The following CNNM2 variants were observed in gnomAD, a reference collection of about 807,000 sequenced individuals.
The protein encoded by CNNM2 is cyclin and CBS domain divalent metal cation transport mediator 2, also known as metal transporter CNNM2.
A neutral mutation model predicts 66.9 loss-of-function variants in CNNM2; 12 were observed. The ratio of observed to expected loss-of-function variants is 0.18; its 90% CI spans 0.11 to 0.29. The LOEUF (loss-of-function observed/expected upper bound fraction) is 0.29. Among genes scored for constraint, CNNM2 ranks in the 10% least tolerant of loss-of-function variants. The pLI, the probability that CNNM2 is intolerant of heterozygous loss-of-function variation, is 1.00. For synonymous variants in CNNM2, 557 were observed against 501.8 expected, an observed-to-expected ratio of 1.11 and a Z score of -1.47; for missense variants, 705 against 1,167.7, an observed-to-expected ratio of 0.60 and a Z score of 5.77.
chr10:102,996,084 A>C (rs2063996490), intron 1 of CNNM2, among the ~76,000 whole-genome samples: 1 of 152,030 alleles, frequency 6.6e-6, no homozygotes, highest in Non-Finnish European at 1.5e-5. Context: ...TTATCCTACT[A>C]TCCTTTTATT....
intron 1 of CNNM2, among the ~76,000 whole-genome samples, chr10:103,034,820 G>C (rs1482761079): frequency 9.2e-5 from 14 of 151,762 alleles, no homozygotes; most frequent in Non-Finnish European, 2.9e-5. Flanking sequence ...CAAAAAATTA[G>C]CCGGGCGCGG....
intron 1 of CNNM2, among the ~76,000 whole-genome samples, chr10:103,029,941 A>G (rs907161771): frequency 3.3e-5 from 5 of 152,162 alleles, no homozygotes; most frequent in African/African-American, 9.7e-5. Flanking sequence ...AATGGAGCCA[A>G]TGAAGGCTTT....
At chr10:103,048,544 A>G (rs920632087) in intron 1 of CNNM2, among the ~76,000 whole-genome samples, 1 of 146,220 alleles carries the variant, frequency 6.8e-6, no homozygotes, top group African/African-American at 2.5e-5. Flanking sequence ...TGAAAGCTCA[A>G]ATTTTATCAT....
intron 1 of CNNM2, among the ~76,000 whole-genome samples, chr10:102,978,622 C>T (rs879760635): frequency 6.6e-6 from 1 of 152,142 alleles, no homozygotes; most frequent in African/African-American, 2.4e-5. Context: ...AGTCAGTGAT[C>T]TTTCAAACAA....
In CNNM2 at chr10:103,058,385, A is replaced by G. The variant is rs541703497; in HGVS notation, c.2073+1421A>G. Among the ~76,000 whole-genome samples, 6 of 152,344 alleles carry G rather than the reference A, an allele frequency of 3.9e-5. No individual in the cohort carries two copies. In the East Asian group the frequency reaches 1.2e-3, roughly 29 times the overall value. On this transcript the variant is annotated intron_variant, in intron 4 of 7. Transcript: ENST00000369878. ...CCTGGAGAAACTCTGGATACATCAA[A>G]GACTGTCACAGGAGGAATTGGAATA... is the stretch of plus-strand genomic sequence containing the variant.
chr10:102,951,252 A>G (rs1005235046), intron 1 of CNNM2, among the ~76,000 whole-genome samples: 22 of 151,912 alleles, frequency 1.4e-4, no homozygotes, highest in African/African-American at 5.3e-4. Context: ...GCTGGAGTGT[A>G]GTGGCGCAGT....
At position 103,001,011 on chromosome 10, in the gene CNNM2, GAAGA is replaced by G. The variant is rs559138633; in HGVS notation, c.1622-48693_1622-48690del. Among the ~76,000 whole-genome samples the G allele has an allele frequency of 1.8e-4, 28 of 152,318 alleles. No homozygotes were observed. The East Asian group carries it at 5.2e-3, about 28-fold the overall frequency. ...ATGGAATATGTTCTGTTTTAGGAAG[GAAGA>G]AATTCTGACATATGCTACAACATGG... is the stretch of plus-strand genomic sequence containing the variant. On this transcript the variant is annotated intron_variant, in intron 1 of 7. Coordinates refer to ENST00000369878, the MANE Select transcript of CNNM2 (RefSeq NM_017649.5).
Position 102,985,445 on chromosome 10 carries a change from C to T in CNNM2, c.1622-64262C>T, listed in dbSNP as rs568294731. On this transcript the variant is annotated intron_variant, in intron 1 of 7. Coordinates refer to ENST00000369878, the MANE Select transcript of CNNM2 (RefSeq NM_017649.5). ...GAACTCTGAAAGCTTCTTTACATACCAAGCTCCTCCTCATCAAAGCTAGAT... is the reference window on the plus strand; with the variant it reads ...GAACTCTGAAAGCTTCTTTACATACTAAGCTCCTCCTCATCAAAGCTAGAT... Among the ~76,000 whole-genome samples the T allele has an allele frequency of 4.6e-5, 7 of 152,202 alleles. No homozygotes were observed. The South Asian group carries it at 1.4e-3, about 32-fold the overall frequency.
chr10:103,067,168 G>A (rs1169577086), intron 4 of CNNM2, among the ~76,000 whole-genome samples: 1 of 149,856 alleles, frequency 6.7e-6, no homozygotes, highest in Non-Finnish European at 1.5e-5. Context: ...GCGTGATCAT[G>A]GCTCACTGCC....
At chr10:102,961,012 G>T (rs866140991) in intron 1 of CNNM2, among the ~76,000 whole-genome samples, 2 of 151,908 alleles carry the variant, frequency 1.3e-5, no homozygotes, top group East Asian at 3.9e-4. Flanking sequence ...CAAGTAGCTG[G>T]GATTACAGGC....
At chr10:103,061,026 TAAAAAGAA>T (rs1158108098) in intron 4 of CNNM2, among the ~76,000 whole-genome samples, 2 of 152,064 alleles carry the variant, frequency 1.3e-5, no homozygotes, top group East Asian at 3.8e-4. Context: ...CTTACGTACT[TAAAAAGAA>T]AATAGAACTA....
At chr10:103,019,839 T>C (rs923413188) in intron 1 of CNNM2, among the ~76,000 whole-genome samples, 1 of 152,186 alleles carries the variant, frequency 6.6e-6, no homozygotes, top group Non-Finnish European at 1.5e-5. Context: ...GGTTCTATAT[T>C]GATATGAAGA....
chr10:103,069,313 C>T (rs2065533901), intron 5 of CNNM2, among the ~76,000 whole-genome samples: 1 of 152,040 alleles, frequency 6.6e-6, no homozygotes, highest in Non-Finnish European at 1.5e-5. Context: ...ACGTGTGTGT[C>T]CATTTCTGCT....
chr10:102,989,777 G>T (rs1487453667), intron 1 of CNNM2, among the ~76,000 whole-genome samples: 1 of 151,920 alleles, frequency 6.6e-6, no homozygotes, highest in Non-Finnish European at 1.5e-5. Context: ...ACTCCAGCCT[G>T]GGCGACAGAG....
At chr10:103,057,560 G>GA (rs2065316628) in intron 4 of CNNM2, among the ~76,000 whole-genome samples, 1 of 152,088 alleles carries the variant, frequency 6.6e-6, no homozygotes. Flanking sequence ...AAGAGTGTGG[G>GA]AGAGTTTACC....
At chr10:102,922,892 A>C (rs180687611) in intron 1 of CNNM2, among the ~76,000 whole-genome samples, 6 of 150,308 alleles carry the variant, frequency 4.0e-5, no homozygotes, top group Non-Finnish European at 7.4e-5. Flanking sequence ...CAATGAGCTG[A>C]GATGGTGCCA....
At chr10:102,980,884 CT>C (rs934943926) in intron 1 of CNNM2, among the ~76,000 whole-genome samples, 1 of 152,234 alleles carries the variant, frequency 6.6e-6, no homozygotes, top group African/African-American at 2.4e-5. Context: ...TCTTTGCTTA[CT>C]TTTCTTCACA....
chr10:103,050,536 C>CA lies in CNNM2; in HGVS notation c.1765+702dup, dbSNP rs572731260. ...TGGTTAACAGAGTGAGAGTCCACCTCAAAAAAAAAAAAAAAAGTGAATGGG... is the reference window on the plus strand; with the variant it reads ...TGGTTAACAGAGTGAGAGTCCACCTCAAAAAAAAAAAAAAAAAGTGAATGGG... On this transcript the variant is annotated intron_variant, in intron 2 of 7. Coordinates refer to ENST00000369878, the MANE Select transcript of CNNM2 (RefSeq NM_017649.5). 0.02 allele frequency among the ~76,000 whole-genome samples: 2,014 copies of CA among 99,936 alleles called. 35 individuals are homozygous for CA. Among genetic ancestry groups the CA allele is most frequent in the African/African-American group, 0.055 (1,422 of 25,998 alleles). 65.6% of individuals were successfully genotyped at this position (99,936 alleles called of 152,430 possible). A position where few individuals can be genotyped will look rare whatever the true frequency, so the allele number is the denominator to read the frequency against.
chr10:102,924,836 A>C (rs1488987829), intron 1 of CNNM2, among the ~76,000 whole-genome samples: 1 of 152,116 alleles, frequency 6.6e-6, no homozygotes, highest in African/African-American at 2.4e-5. Context: ...ATTTGTTTTC[A>C]TGATGTTGTA....
Sources: gnomAD v4.1 joint callset for allele counts (sites outside exome capture counted in the v4.1 genomes callset) on GRCh38, gnomAD v4.1.1 for gene constraint, MANE v1.5 for transcripts, NCBI Gene and HGNC (gene_info 2026-07-23, HGNC 2026-07-21) for gene names.